The following EPOP variants were observed in gnomAD, a reference collection of about 807,000 sequenced individuals.
EPOP encodes elongin BC and polycomb repressive complex 2 associated protein, also known as elongin BC and Polycomb repressive complex 2-associated protein.
EPOP carries 14 observed loss-of-function variants against 18.2 expected under a neutral mutation model. That is an observed-to-expected ratio of 0.77 (90% CI 0.51 to 1.20). EPOP has a LOEUF of 1.20. Ranked by LOEUF, EPOP falls within the 50% of genes most tolerant of loss-of-function variation. The probability of loss-of-function intolerance (pLI) is 0.00; values close to 1 mark genes in which losing one functional copy is unlikely to be tolerated. For synonymous variants in EPOP, 252 were observed against 274.9 expected (o/e 0.92, Z 0.83); for missense variants, 527 against 577.2 (o/e 0.91, Z 0.89).
chr17:38,673,790 C>T lies in EPOP; in HGVS notation c.706G>A (p.Ala236Thr). ...TGTTCCTGGCGGAGATCTCCGGGTGCGGCCGGAGCCGGGCTGGCCGTCGAG... is the reference window on the plus strand; with the variant it reads ...TGTTCCTGGCGGAGATCTCCGGGTGTGGCCGGAGCCGGGCTGGCCGTCGAG... ...SPSTASPAPA[A>T]PGDLRQEHFD... The change falls in exon 1 of 1, where the codon GCA becomes ACA. Residue 236 changes from alanine to threonine, a missense_variant. Physicochemically the swap from Ala to Thr is moderately conservative, Grantham distance 58. Coordinates refer to ENST00000621654, the MANE Select transcript of EPOP (RefSeq NM_001130677.2). 6.6e-7 allele frequency: 1 copy of T among 1,517,574 alleles called. No homozygotes were observed. The highest frequency in any genetic ancestry group is 2.8e-5 in the East Asian group (1 of 36,170). The allele number at this position is 1,517,574 out of a possible 1,614,324, so 94.0% of individuals were successfully genotyped here. A position where few individuals can be genotyped will look rare whatever the true frequency, so the allele number is the denominator to read the frequency against.
In EPOP at chr17:38,673,283, A is replaced by C. The variant is rs1308171781; in HGVS notation, c.*73T>G. On this transcript the variant is annotated 3_prime_UTR_variant, in exon 1 of 1. Coordinates refer to ENST00000621654, the MANE Select transcript of EPOP (RefSeq NM_001130677.2). ...TGTAAAGGAAGGGGACAAATGTGAG[A>C]AACGGGGCTCCCTCCTCAAGCCCGC... 8 of 1,442,702 alleles carry C rather than the reference A, an allele frequency of 5.5e-6. No individual in the cohort carries two copies. Among genetic ancestry groups the C allele is most frequent in the Non-Finnish European group, 7.3e-6 (8 of 1,095,438 alleles). 89.4% of individuals were successfully genotyped at this position (1,442,702 alleles called of 1,614,324 possible). A position where few individuals can be genotyped will look rare whatever the true frequency, so the allele number is the denominator to read the frequency against.
rs1467192880 is a variant in EPOP, at chr17:38,674,082, G to A, written c.414C>T (p.Gly138=). ...HFGVRSCAPP[G]RCPAPPHPRE... is the part of the protein sequence containing the mutation. ...GAGGGTGCGGGGGCGCAGGGCAGCGGCCCGGAGGTGCACAGGAGCGAACGC... is the reference window on the plus strand; with the variant it reads ...GAGGGTGCGGGGGCGCAGGGCAGCGACCCGGAGGTGCACAGGAGCGAACGC... Residue 138 remains glycine, a synonymous_variant, in exon 1 of 1, where the codon GGC becomes GGT. Coordinates refer to ENST00000621654, the MANE Select transcript of EPOP (RefSeq NM_001130677.2). This position sits in a 1 kb window ranked among gnomAD's most constrained non-coding sequence, Gnocchi z 4.5. 9.8e-6 allele frequency: 14 copies of A among 1,426,204 alleles called. No individual in the cohort carries two copies. The highest frequency in any genetic ancestry group is 1.3e-5 in the Non-Finnish European group (14 of 1,099,304). 88.3% of individuals were successfully genotyped at this position (1,426,204 alleles called of 1,614,324 possible).
In EPOP at chr17:38,673,457, G is replaced by A; in HGVS notation, c.1039C>T (p.Pro347Ser). 2 of 1,533,790 alleles carry A rather than the reference G, an allele frequency of 1.3e-6. No homozygotes were observed. The highest frequency in any genetic ancestry group is 2.5e-5 in the East Asian group (1 of 40,332). The change falls in exon 1 of 1, where the codon CCC becomes TCC. Residue 347 changes from proline (P) to serine (S), a missense_variant. Coordinates refer to ENST00000621654, the MANE Select transcript of EPOP (RefSeq NM_001130677.2). ...CTCCACAGCGGGTGGGCGGGCGGGGGCTTAGAGTCTCCCTGGAGGCGAAGC... is the reference window on the plus strand; with the variant it reads ...CTCCACAGCGGGTGGGCGGGCGGGGACTTAGAGTCTCCCTGGAGGCGAAGC... Reference protein sequence around the residue: ...SSLRLQGDSKPPPAHPLWRWQ... With the variant: ...SSLRLQGDSKSPPAHPLWRWQ...
rs1301273569 is a variant in EPOP, at chr17:38,674,325, G to T, written c.171C>A (p.Gly57=). The T allele has an allele frequency of 1.3e-6, 2 of 1,536,640 alleles. No homozygotes were observed. The highest frequency in any genetic ancestry group is 1.7e-6 in the Non-Finnish European group (2 of 1,144,910). ...ALAKPRASSL[G]PGPGELAARS... ...GCGCCGCCAGCTCCCCAGGCCCCGG[G>T]CCCAGAGAGGACGCCCGGGGCTTGG... Residue 57 remains glycine (G), a synonymous_variant, in exon 1 of 1, where the codon GGC becomes GGA. Coordinates refer to ENST00000621654, the MANE Select transcript of EPOP (RefSeq NM_001130677.2). The surrounding 1 kb of genome is among the most constrained non-coding windows in gnomAD (Gnocchi z 4.5).
chr17:38,673,364 C>T lies in EPOP; in HGVS notation c.1132G>A (p.Glu378Lys). Residue 378 changes from glutamate to lysine, a missense_variant, in exon 1 of 1, where the codon GAA (glutamate) becomes AAA (lysine). By Grantham distance (56) the Glu-to-Lys change is moderately conservative. Coordinates refer to ENST00000621654, the MANE Select transcript of EPOP (RefSeq NM_001130677.2). ...GLKFWGINMD[E>K]S ...TGGCAGAAGTCCCACGGTCAGCTTT[C>T]ATCCATGTTGATCCCCCAGAATTTG... 6.5e-7 allele frequency: 1 copy of T among 1,527,714 alleles called. No individual in the cohort carries two copies. Among genetic ancestry groups the T allele is most frequent in the Non-Finnish European group, 8.8e-7 (1 of 1,137,212 alleles). The allele number at this position is 1,527,714 out of a possible 1,614,324, so 94.6% of individuals were successfully genotyped here.
In EPOP at chr17:38,673,709, A is replaced by G. The variant is rs1420085418; in HGVS notation, c.787T>C (p.Leu263=). 10 of 1,532,940 alleles carry G rather than the reference A, an allele frequency of 6.5e-6. No individual in the cohort carries two copies. Among genetic ancestry groups the G allele is most frequent in the Non-Finnish European group, 8.8e-6 (10 of 1,140,312 alleles). The allele number at this position is 1,532,940 out of a possible 1,614,324, so 95.0% of individuals were successfully genotyped here. Residue 263 remains leucine, a synonymous_variant, in exon 1 of 1, where the codon TTG becomes CTG. Transcript: ENST00000621654. The part of the protein sequence containing the change: ...KLWCYAKGFA[L]DTPSLRRGPE... ...CCCCGGCGCAAACTCGGAGTGTCCA[A>G]GGCGAAGCCCTTCGCGTAACACCAA...
chr17:38,673,482 C>T lies in EPOP; in HGVS notation c.1014G>A (p.Ser338=). The part of the protein sequence containing the change: ...GEDGDLKPAS[S]LRLQGDSKPP... ...GCTTAGAGTCTCCCTGGAGGCGAAG[C>T]GAGGATGCCGGCTTTAGGTCTCCGT... The change falls in exon 1 of 1, where the codon TCG becomes TCA. Residue 338 remains serine (S), a synonymous_variant. Transcript: ENST00000621654. 1 of 1,535,936 alleles carries T rather than the reference C, an allele frequency of 6.5e-7. No homozygotes were observed. The highest frequency in any genetic ancestry group is 1.2e-5 in the South Asian group (1 of 82,630).
Position 38,673,289 on chromosome 17 carries a change from G to T in EPOP, c.*67C>A. The T allele has an allele frequency of 6.9e-7, 1 of 1,445,016 alleles. No homozygotes were observed. The highest frequency in any genetic ancestry group is 9.1e-7 in the Non-Finnish European group (1 of 1,096,796). 89.5% of individuals were successfully genotyped at this position (1,445,016 alleles called of 1,614,324 possible). On this transcript the variant is annotated 3_prime_UTR_variant, in exon 1 of 1. Coordinates refer to ENST00000621654, the MANE Select transcript of EPOP (RefSeq NM_001130677.2). The stretch of plus-strand genomic sequence containing the variant: ...GGAAGGGGACAAATGTGAGAAACGG[G>T]GCTCCCTCCTCAAGCCCGCGGTTTG...
In EPOP at chr17:38,673,571, T is replaced by C; in HGVS notation, c.925A>G (p.Thr309Ala). 1 of 1,477,014 alleles carries C rather than the reference T, an allele frequency of 6.8e-7. No individual in the cohort carries two copies. The highest frequency in any genetic ancestry group is 9.0e-7 in the Non-Finnish European group (1 of 1,114,850). The allele number at this position is 1,477,014 out of a possible 1,614,324, so 91.5% of individuals were successfully genotyped here. The change falls in exon 1 of 1, where the codon ACC (threonine) becomes GCC (alanine). Residue 309 changes from threonine (T) to alanine (A), a missense_variant. By Grantham distance (58) the Thr-to-Ala change is moderately conservative. Coordinates refer to ENST00000621654, the MANE Select transcript of EPOP (RefSeq NM_001130677.2). ...TTGAGGAGGCTGAAGGTGCTCGTGGTGGGGAGCGTCGGTGCAGGGCGGCGG... is the reference window on the plus strand; with the variant it reads ...TTGAGGAGGCTGAAGGTGCTCGTGGCGGGGAGCGTCGGTGCAGGGCGGCGG... ...QPRRPAPTLPTTSTFSLLNCF... is the reference protein window; with the variant it reads ...QPRRPAPTLPATSTFSLLNCF...
chr17:38,674,264 G>T lies in EPOP; in HGVS notation c.232C>A (p.Arg78Ser). The change falls in exon 1 of 1, where the codon CGC becomes AGC. Residue 78 changes from arginine (R) to serine (S), a missense_variant. By Grantham distance (110) the Arg-to-Ser change is moderately radical (BLOSUM62 -1). Transcript: ENST00000621654. This position sits in a 1 kb window ranked among gnomAD's most constrained non-coding sequence, Gnocchi z 4.5. Reference sequence around the variant, plus strand: ...CCATCCGGGGCCCAGCCGCCAGGGCGCAGGGGGGCCTGAGGGCCCCGCAGC... The same window carrying T: ...CCATCCGGGGCCCAGCCGCCAGGGCTCAGGGGGGCCTGAGGGCCCCGCAGC... ...PVLRGPQAPL[R>S]PGGWAPDGLK... The T allele has an allele frequency of 6.9e-7, 1 of 1,457,250 alleles. No individual in the cohort carries two copies. 90.3% of individuals were successfully genotyped at this position (1,457,250 alleles called of 1,614,324 possible).
Position 38,674,250 on chromosome 17 carries a change from C to T in EPOP, c.246G>A (p.Trp82Ter). 7.0e-7 allele frequency: 1 copy of T among 1,434,752 alleles called. No individual in the cohort carries two copies. The highest frequency in any genetic ancestry group is 2.8e-5 in the East Asian group (1 of 35,974). The allele number at this position is 1,434,752 out of a possible 1,614,324, so 88.9% of individuals were successfully genotyped here. ...AGAGGTGCTTCAGGCCATCCGGGGC[C>T]CAGCCGCCAGGGCGCAGGGGGGCCT... ...GPQAPLRPGG[W>*]APDGLKHLWA... Residue 82 changes from tryptophan (W) to a stop codon, truncating the protein, a stop_gained, in exon 1 of 1, where the codon TGG becomes TGA. Transcript: ENST00000621654. LOFTEE classifies it high-confidence loss of function. The surrounding 1 kb of genome is among the most constrained non-coding windows in gnomAD (Gnocchi z 4.5).
In EPOP at chr17:38,674,172, C is replaced by T; in HGVS notation, c.324G>A (p.Ala108=). 1.4e-6 allele frequency: 2 copies of T among 1,425,272 alleles called. No homozygotes were observed. The highest frequency in any genetic ancestry group is 3.0e-5 in the South Asian group (2 of 66,698). The allele number at this position is 1,425,272 out of a possible 1,614,324, so 88.3% of individuals were successfully genotyped here. ...CGCGGCGGGGGCACGCTGCGACGTCCGCATCCTCGCCGGCGGCGGTGTTAG... is the reference window on the plus strand; with the variant it reads ...CGCGGCGGGGGCACGCTGCGACGTCTGCATCCTCGCCGGCGGCGGTGTTAG... ...GVPNTAAGED[A]DVAACPRRGE... The change falls in exon 1 of 1, where the codon GCG becomes GCA. Residue 108 remains alanine, a synonymous_variant. Transcript: ENST00000621654. This position sits in a 1 kb window ranked among gnomAD's most constrained non-coding sequence, Gnocchi z 4.5.
At position 38,673,459 on chromosome 17, in the gene EPOP, T is replaced by C; in HGVS notation, c.1037A>G (p.Lys346Arg). The C allele has an allele frequency of 6.5e-7, 1 of 1,534,174 alleles. No homozygotes were observed. The highest frequency in any genetic ancestry group is 2.0e-5 in the Admixed American group (1 of 49,694). Residue 346 changes from lysine (K) to arginine (R), a missense_variant, in exon 1 of 1, where the codon AAG (lysine) becomes AGG (arginine). Lys to Arg is a conservative substitution (Grantham distance 26). Coordinates refer to ENST00000621654, the MANE Select transcript of EPOP (RefSeq NM_001130677.2). ...ASSLRLQGDS[K>R]PPPAHPLWRW... ...CCACAGCGGGTGGGCGGGCGGGGGC[T>C]TAGAGTCTCCCTGGAGGCGAAGCGA...
Position 38,673,435 on chromosome 17 carries a change from C to T in EPOP, c.1061G>A (p.Trp354Ter). ...AGCGGGACCCCCCATCTGCCACCTC[C>T]ACAGCGGGTGGGCGGGCGGGGGCTT... ...DSKPPPAHPL[W>*]RWQMGGPAVP... The change falls in exon 1 of 1, where the codon TGG becomes TAG. Residue 354 changes from tryptophan (W) to a stop codon, truncating the protein, a stop_gained. Coordinates refer to ENST00000621654, the MANE Select transcript of EPOP (RefSeq NM_001130677.2). LOFTEE classifies it high-confidence loss of function. 1.0e-6 allele frequency: 1 copy of T among 968,838 alleles called. No individual in the cohort carries two copies. The highest frequency in any genetic ancestry group is 1.4e-6 in the Non-Finnish European group (1 of 697,804). 60.0% of individuals were successfully genotyped at this position (968,838 alleles called of 1,614,324 possible).
chr17:38,673,520 C>G lies in EPOP; in HGVS notation c.976G>C (p.Val326Leu). ...TTTAGGTCTCCGTCTTCCCCCACCA[C>G]CAGGGCCGGGGGGCAGGGGAAGCAG... ...LNCFPCPPAL[V>L]VGEDGDLKPA... The change falls in exon 1 of 1, where the codon GTG (valine) becomes CTG (leucine). Residue 326 changes from valine to leucine, a missense_variant. By Grantham distance (32) the Val-to-Leu change is conservative. Coordinates refer to ENST00000621654, the MANE Select transcript of EPOP (RefSeq NM_001130677.2). 1 of 1,523,886 alleles carries G rather than the reference C, an allele frequency of 6.6e-7. No individual in the cohort carries two copies. The allele number at this position is 1,523,886 out of a possible 1,614,324, so 94.4% of individuals were successfully genotyped here.
In EPOP at chr17:38,673,927, G is replaced by A. The variant is rs922544053; in HGVS notation, c.569C>T (p.Ser190Phe). ...CGTCCCGGGACCCGCGGGCTCGGTG[G>A]AGAGGCCCGCAGGTGGCGACGGAGG... is the stretch of plus-strand genomic sequence containing the variant. Reference protein sequence around the residue: ...SRPPSPPAGLSTEPAGPGTAP... With the variant: ...SRPPSPPAGLFTEPAGPGTAP... Residue 190 changes from serine to phenylalanine, a missense_variant, in exon 1 of 1, where the codon TCC becomes TTC. Transcript: ENST00000621654. 1.4e-6 allele frequency: 2 copies of A among 1,395,548 alleles called. No homozygotes were observed. The highest frequency in any genetic ancestry group is 1.8e-6 in the Non-Finnish European group (2 of 1,083,164). 86.4% of individuals were successfully genotyped at this position (1,395,548 alleles called of 1,614,324 possible).
chr17:38,674,647 G>T lies in EPOP; in HGVS notation c.-152C>A, dbSNP rs1911068338. 4.3e-6 allele frequency: 3 copies of T among 705,628 alleles called. No individual in the cohort carries two copies. Among genetic ancestry groups the T allele is most frequent in the South Asian group, 5.1e-5 (2 of 39,386 alleles). 43.7% of individuals were successfully genotyped at this position (705,628 alleles called of 1,614,324 possible). ...CGCCCCCGGCCCGCCACCCGGGGCC[G>T]CAGAGCTCGGGCTCCCTCTTCGCTC... is the stretch of plus-strand genomic sequence containing the variant. On this transcript the variant is annotated 5_prime_UTR_variant, in exon 1 of 1. Transcript: ENST00000621654. The surrounding 1 kb of genome is among the most constrained non-coding windows in gnomAD (Gnocchi z 4.5).
chr17:38,674,064 CG>C lies in EPOP; in HGVS notation c.431del (p.Pro144ArgfsTer105), dbSNP rs1230018810. ...CAPPGRCPAP[P>X]HPRESTTSFA... ...AGCTGGTCGTAGATTCCCGAGGGTG[CG>C]GGGGCGCAGGGCAGCGGCCCGGAGG... On this transcript the variant is annotated frameshift_variant, in exon 1 of 1. Coordinates refer to ENST00000621654, the MANE Select transcript of EPOP (RefSeq NM_001130677.2). LOFTEE classifies it high-confidence loss of function. This position sits in a 1 kb window ranked among gnomAD's most constrained non-coding sequence, Gnocchi z 4.5. The C allele has an allele frequency of 2.9e-6, 4 of 1,401,972 alleles. No individual in the cohort carries two copies. The highest frequency in any genetic ancestry group is 3.7e-6 in the Non-Finnish European group (4 of 1,087,390). The allele number at this position is 1,401,972 out of a possible 1,614,324, so 86.8% of individuals were successfully genotyped here.
rs1158389413 is a variant in EPOP at position 38,672,926 on chromosome 17, A to AC, written c.*429dup. The AC allele has an allele frequency of 6.4e-6, 1 of 155,872 alleles. No individual in the cohort carries two copies. The highest frequency in any genetic ancestry group is 2.4e-5 in the African/African-American group (1 of 40,874). The allele number at this position is 155,872 out of a possible 1,614,324, so 9.7% of individuals were successfully genotyped here. On this transcript the variant is annotated 3_prime_UTR_variant, in exon 1 of 1. Transcript: ENST00000621654. ...CCAGGGAGCTGCCAATCATCTCCCC[A>AC]CCCCCACCACAGCCCCGCACCCCAG...
Sources: allele counts gnomAD v4.1 joint callset, GRCh38; gene constraint gnomAD v4.1.1; non-coding constraint Gnocchi (gnomAD v3.1); transcripts MANE v1.5; gene names NCBI Gene and HGNC (gene_info 2026-07-23, HGNC 2026-07-21).